TRRAP: variants seen among roughly 807,000 people sequenced by gnomAD.
The protein encoded by TRRAP is transformation/transcription domain associated protein.
Under a neutral mutation model 438.8 loss-of-function variants are expected in TRRAP, and 41 were observed. The observed-to-expected ratio is 0.09, with a 90% CI of 0.07 to 0.12. The LOEUF is 0.12. TRRAP is among the 10% of genes least tolerant of loss of function. The probability of loss-of-function intolerance (pLI) is 1.00; values close to 1 mark genes in which losing one functional copy is unlikely to be tolerated. For synonymous variants in TRRAP, 1,994 were observed against 1,962.9 expected, an observed-to-expected ratio of 1.02 and a Z score of -0.42; for missense variants, 3,122 against 5,055.1, an observed-to-expected ratio of 0.62 and a Z score of 11.60.
At chr7:98,905,649 G>T (rs1409638597) in intron 12 of TRRAP, among the ~76,000 whole-genome samples, 1 of 152,138 alleles carries the variant, frequency 6.6e-6, no homozygotes, top group Non-Finnish European at 1.5e-5. Flanking sequence ...ACCCCGGTGG[G>T]GATTCTGATG....
intron 53 of TRRAP, among the ~76,000 whole-genome samples, chr7:98,973,057 G>C (rs1428594189): frequency 6.6e-6 from 1 of 152,082 alleles, no homozygotes; most frequent in Admixed American, 6.5e-5. Flanking sequence ...TCGGCTCACA[G>C]CAACCTCCAT....
intron 22 of TRRAP, 75 bp downstream of exon 22, chr7:98,925,338 G>A: frequency 1.9e-6 from 3 of 1,556,974 alleles, no homozygotes; most frequent in Non-Finnish European, 1.7e-6. Flanking sequence ...GGCCTCCCAG[G>A]TTTCCTGGTG....
intron 67 of TRRAP, 97 bp from the exon 68 acceptor site, chr7:99,004,093 T>C: frequency 6.0e-6 from 7 of 1,165,752 alleles, no homozygotes; most frequent in African/African-American, 1.5e-5. Context: ...AAACAAAACA[T>C]GTAATTCGTA....
intron 44 of TRRAP, 135 bp from the exon 45 acceptor site, chr7:98,959,209 C>A: frequency 1.6e-6 from 2 of 1,227,888 alleles, no homozygotes. Context: ...GGAGGTCAGG[C>A]GGAAGAGAGG....
At chr7:98,891,695 C>T (rs782724402) in intron 4 of TRRAP, among the ~76,000 whole-genome samples, 13 of 151,816 alleles carry the variant, frequency 8.6e-5, no homozygotes, top group Non-Finnish European at 1.6e-4. Flanking sequence ...GCCACCACAC[C>T]CAGCTAATTT....
rs748157223 is a variant in TRRAP, at chr7:98,976,175, T to A, written c.7866T>A (p.Val2622=). 6.2e-6 allele frequency: 10 copies of A among 1,613,964 alleles called. No individual in the cohort carries two copies. The highest frequency in any genetic ancestry group is 1.6e-4 in the Middle Eastern group (1 of 6,080). The change falls in exon 54 of 73, where the codon GTT becomes GTA. Residue 2622 remains valine, a synonymous_variant. Coordinates refer to ENST00000456197, the MANE Select transcript of TRRAP (RefSeq NM_001375524.1). This position sits in a 1 kb window ranked among gnomAD's most constrained non-coding sequence, Gnocchi z 4.6. The part of the protein sequence containing the change: ...VKTGALLSAF[V]QLCHISTTLA... The stretch of plus-strand genomic sequence containing the variant: ...CTGGAGCGCTGCTCAGCGCTTTCGT[T>A]CAGCTGTGCCACATTTCCACGACGC...
At chr7:98,984,399 T>G in intron 61 of TRRAP, 41 bp downstream of exon 61, 1 of 1,490,436 alleles carries the variant, frequency 6.7e-7, no homozygotes, top group African/African-American at 1.4e-5. Context: ...AGGTGGAGAT[T>G]GAGGCCAGGT....
chr7:98,931,392 C>G lies in TRRAP; in HGVS notation c.3592-13C>G. 2 of 1,611,516 alleles carry G rather than the reference C, an allele frequency of 1.2e-6. No individual in the cohort carries two copies. Among genetic ancestry groups the G allele is most frequent in the Non-Finnish European group, 8.5e-7 (1 of 1,178,902 alleles). ...TCGCCCTGCTTTCATTCTAAGACAT[C>G]CCTGACTTGCAGGTTTCCAATGGGG... On this transcript the variant is annotated splice_polypyrimidine_tract_variant and intron_variant, in intron 25 of 72. Coordinates refer to ENST00000456197, the MANE Select transcript of TRRAP (RefSeq NM_001375524.1).
rs782021393 is a variant in TRRAP, at chr7:98,956,382, G to A, written c.6097-17G>A. 7 of 1,613,528 alleles carry A rather than the reference G, an allele frequency of 4.3e-6. No homozygotes were observed. The highest frequency in any genetic ancestry group is 5.1e-6 in the Non-Finnish European group (6 of 1,179,820). ...TAGAAATCAGTCAGTAAAACCAAGC[G>A]CCTGTGTGTTTTTAAGCCGGATTCA... On this transcript the variant is annotated splice_polypyrimidine_tract_variant and intron_variant, in intron 42 of 72. Coordinates refer to ENST00000456197, the MANE Select transcript of TRRAP (RefSeq NM_001375524.1). The surrounding 1 kb of genome is among the most constrained non-coding windows in gnomAD (Gnocchi z 4.5).
intron 30 of TRRAP, among the ~76,000 whole-genome samples, chr7:98,941,545 C>G (rs1790797409): frequency 6.6e-6 from 1 of 152,058 alleles, no homozygotes; most frequent in African/African-American, 2.4e-5. Flanking sequence ...TCATTTTATT[C>G]CTTTGGGAAA....
intron 67 of TRRAP, among the ~76,000 whole-genome samples, chr7:99,002,122 C>CGGGGGGGGGGGGGGGGG (rs1003090262): frequency 1.9e-4 from 1 of 5,176 alleles, no homozygotes; most frequent in Non-Finnish European, 4.1e-4. Flanking sequence ...AGGGGAGAGG[C>CGGGGGGGGGGGGGGGGG]GGGGGGGTGG....
intron 33 of TRRAP, among the ~76,000 whole-genome samples, chr7:98,946,380 C>G (rs77046883): frequency 2.6e-5 from 4 of 152,122 alleles, no homozygotes; most frequent in South Asian, 2.1e-4. Context: ...GTCCCACTCA[C>G]CCACCCAGTC....
At chr7:98,899,226 T>C (rs991614190) in intron 8 of TRRAP, among the ~76,000 whole-genome samples, 196 bp from the exon 9 acceptor site, 1 of 152,226 alleles carries the variant, frequency 6.6e-6, no homozygotes, top group Admixed American at 6.5e-5. Flanking sequence ...TTGTATTAAA[T>C]GATAGTTCTG....
chr7:98,961,694 C>T (rs1056088573), intron 46 of TRRAP, among the ~76,000 whole-genome samples: 12 of 152,192 alleles, frequency 7.9e-5, no homozygotes, highest in Non-Finnish European at 1.5e-4. Flanking sequence ...CCGAGGCGGG[C>T]GGATCACCTG....
At chr7:98,899,254 A>G (rs1276186593) in intron 8 of TRRAP, among the ~76,000 whole-genome samples, 168 bp from the exon 9 acceptor site, 2 of 152,218 alleles carry the variant, frequency 1.3e-5, no homozygotes, top group East Asian at 1.9e-4. Flanking sequence ...TGTTTTCAAC[A>G]TAGTTTGGAT....
rs188426653 is a variant in TRRAP, at chr7:98,937,940, C to T, written c.4404+120C>T. The T allele has an allele frequency of 1.5e-4, 178 of 1,149,246 alleles. 1 individual carries two copies. In the East Asian group the frequency reaches 2.9e-3, roughly 19 times the overall value. 71.2% of individuals were successfully genotyped at this position (1,149,246 alleles called of 1,614,324 possible). ...CTGTAATCCCAGCACTTTGGGAGGCCGAGGTGGGTGGATCGCTTGCAGTTG... is the reference window on the plus strand; with the variant it reads ...CTGTAATCCCAGCACTTTGGGAGGCTGAGGTGGGTGGATCGCTTGCAGTTG... On this transcript the variant is annotated intron_variant, in intron 30 of 72. Transcript: ENST00000456197.
At chr7:98,902,230 T>G (rs111519639) in intron 11 of TRRAP, among the ~76,000 whole-genome samples, 1 of 152,254 alleles carries the variant, frequency 6.6e-6, no homozygotes, top group Non-Finnish European at 1.5e-5. Context: ...GTAAAACTGA[T>G]GAAGAAGTTC....
At chr7:98,886,376 A>G (rs1419005132) in intron 3 of TRRAP, among the ~76,000 whole-genome samples, 1 of 152,030 alleles carries the variant, frequency 6.6e-6, no homozygotes, top group African/African-American at 2.4e-5. Flanking sequence ...ATAGATATAG[A>G]TATCTAGAGA....
Position 98,949,483 on chromosome 7 carries a change from A to G in TRRAP, c.4855A>G (p.Ile1619Val). Reference sequence around the variant, plus strand: ...GCTGGCTGCCAACCCCAACAGGTTCATCACCCTGCTGCTGCCGGGGGGTGC... The same window carrying G: ...GCTGGCTGCCAACCCCAACAGGTTCGTCACCCTGCTGCTGCCGGGGGGTGC... The part of the protein sequence containing the change: ...DVLAANPNRF[I>V]TLLLPGGAQT... Residue 1619 changes from isoleucine to valine, a missense_variant, in exon 36 of 73, where the codon ATC becomes GTC. Physicochemically the swap from Ile to Val is conservative, Grantham distance 29. Around this residue, in one of 24 missense-constraint regions of TRRAP, gnomAD observed 272 missense variants for 348.5 expected, o/e 0.78. Transcript: ENST00000456197. 1 of 1,611,056 alleles carries G rather than the reference A, an allele frequency of 6.2e-7. No individual in the cohort carries two copies. Among genetic ancestry groups the G allele is most frequent in the Middle Eastern group, 1.7e-4 (1 of 6,052 alleles).
Sources: gnomAD v4.1 joint callset for allele counts (sites outside exome capture counted in the v4.1 genomes callset) on GRCh38, gnomAD v4.1.1 for gene constraint, gnomAD v4.1.1 regional missense constraint, Gnocchi (gnomAD v3.1) non-coding constraint, MANE v1.5 for transcripts, NCBI Gene and HGNC (gene_info 2026-07-23, HGNC 2026-07-21) for gene names.